The following PIK3C2G variants were observed in gnomAD, a reference collection of about 807,000 sequenced individuals.
PIK3C2G encodes the protein phosphatidylinositol 3-kinase C2 domain-containing subunit gamma.
A neutral mutation model predicts 181.1 loss-of-function variants in PIK3C2G; 168 were observed. The observed-to-expected ratio is 0.93, with a 90% CI of 0.82 to 1.05. PIK3C2G has a LOEUF of 1.05. Ranked by LOEUF, PIK3C2G falls within the 50% of genes least tolerant of loss-of-function variation. The probability of loss-of-function intolerance (pLI) is 0.00; values close to 1 mark genes in which losing one functional copy is unlikely to be tolerated. For synonymous variants in PIK3C2G, 573 were observed against 592.2 expected (o/e 0.97, Z 0.47); for missense variants, 1,869 against 1,732.8 (o/e 1.08, Z -1.40).
chr12:18,325,853 GC>G (rs1951323988), intron 8 of PIK3C2G, among the ~76,000 whole-genome samples: 1 of 152,028 alleles, frequency 6.6e-6, no homozygotes, highest in South Asian at 2.1e-4. Context: ...GCAGACAGGG[GC>G]CAAATTATGT....
rs11285609 is a variant in PIK3C2G, at chr12:18,641,743, C to CTTTTTTTT, written c.4308+1202_4308+1209dup. On this transcript the variant is annotated intron_variant, in intron 32 of 32. Transcript: ENST00000538779. ...AAAACCCTGGCTTCTCTCTCTCAAG[C>CTTTTTTTT]TTTTTTTTTTTTTTTTTTTTGAGAT... is the stretch of plus-strand genomic sequence containing the variant. Among the ~76,000 whole-genome samples the CTTTTTTTT allele has an allele frequency of 1.0e-3, 96 of 93,172 alleles. 4 individuals carry two copies. The highest frequency in any genetic ancestry group is 1.1e-3 in the African/African-American group (22 of 20,344). The allele number at this position is 93,172 out of a possible 152,430, so 61.1% of individuals were successfully genotyped here.
At chr12:18,422,580 C>T (rs1252123338) in intron 17 of PIK3C2G, among the ~76,000 whole-genome samples, 3 of 152,072 alleles carry the variant, frequency 2.0e-5, no homozygotes, top group Non-Finnish European at 2.9e-5. Flanking sequence ...CCAGGGGTTA[C>T]TGCAAACCAC....
chr12:18,550,286 G>C (rs1322701143), intron 26 of PIK3C2G, among the ~76,000 whole-genome samples: 1 of 151,972 alleles, frequency 6.6e-6, no homozygotes, highest in Non-Finnish European at 1.5e-5. Context: ...GTATTATGTT[G>C]TTTGGAAATC....
intron 17 of PIK3C2G, among the ~76,000 whole-genome samples, chr12:18,422,941 G>A (rs1013496416): frequency 5.9e-5 from 9 of 152,030 alleles, no homozygotes; most frequent in African/African-American, 2.2e-4. Flanking sequence ...GACAGCATCA[G>A]GAGTTTATGC....
chr12:18,357,397 T>A (rs1044481841), intron 11 of PIK3C2G, among the ~76,000 whole-genome samples: 17 of 152,198 alleles, frequency 1.1e-4, no homozygotes, highest in Non-Finnish European at 2.4e-4. Context: ...GTATGTACTT[T>A]CCAGAACTGC....
At chr12:18,466,069 G>C (rs370217713) in intron 18 of PIK3C2G, among the ~76,000 whole-genome samples, 2 of 148,202 alleles carry the variant, frequency 1.3e-5, no homozygotes, top group African/African-American at 2.6e-5. Flanking sequence ...ATTTATGTGC[G>C]TGTGTGTGTA....
intron 18 of PIK3C2G, among the ~76,000 whole-genome samples, chr12:18,443,591 T>A (rs1490031776): frequency 6.6e-6 from 1 of 152,088 alleles, no homozygotes; most frequent in Admixed American, 6.6e-5. Context: ...TCTATATGTA[T>A]CAGAAGAAAT....
chr12:18,562,111 C>A (rs781453002), intron 26 of PIK3C2G, among the ~76,000 whole-genome samples: 43 of 152,094 alleles, frequency 2.8e-4, no homozygotes, highest in Non-Finnish European at 5.6e-4. Flanking sequence ...AAAATTCCCC[C>A]AAATAAACAA....
At chr12:18,511,459 C>T (rs1942201843) in intron 24 of PIK3C2G, among the ~76,000 whole-genome samples, 1 of 151,944 alleles carries the variant, frequency 6.6e-6, no homozygotes, top group Admixed American at 6.6e-5. Flanking sequence ...GCATAATTTC[C>T]CTTTTTTTAA....
At chr12:18,273,084 C>T (rs535850517) in intron 1 of PIK3C2G, among the ~76,000 whole-genome samples, 1 of 151,816 alleles carries the variant, frequency 6.6e-6, no homozygotes, top group East Asian at 1.9e-4. Flanking sequence ...GCTGGGGATG[C>T]TAGAATTACT....
intron 18 of PIK3C2G, among the ~76,000 whole-genome samples, chr12:18,461,328 T>C (rs1235045638): frequency 6.6e-6 from 1 of 152,176 alleles, no homozygotes; most frequent in African/African-American, 2.4e-5. Context: ...TGTTGGACAT[T>C]CAAACAAAAG....
intron 29 of PIK3C2G, among the ~76,000 whole-genome samples, chr12:18,581,811 T>C (rs1946516334): frequency 6.6e-6 from 1 of 152,100 alleles, no homozygotes; most frequent in African/African-American, 2.4e-5. Context: ...TAAGATTACT[T>C]AGGGTGAGAG....
At chr12:18,260,445 C>T (rs952335644), upstream of PIK3C2G, among the ~76,000 whole-genome samples, 7 of 152,008 alleles carry the variant, frequency 4.6e-5, no homozygotes, top group Non-Finnish European at 7.4e-5. Flanking sequence ...TGACATCACC[C>T]TCCACTTCTA....
the PIK3C2G span, among the ~76,000 whole-genome samples, chr12:18,726,543 T>C: frequency 1.3e-5 from 2 of 152,152 alleles, no homozygotes; most frequent in Non-Finnish European, 2.9e-5. Context: ...AAATGAGTGA[T>C]TGAATAAACA....
downstream of PIK3C2G, among the ~76,000 whole-genome samples, chr12:18,650,256 AGTT>A (rs1162976442): frequency 3.4e-5 from 5 of 148,722 alleles, no homozygotes; most frequent in African/African-American, 1.2e-4. Flanking sequence ...CCCATCATTC[AGTT>A]GTTAAGAGCA....
intron 11 of PIK3C2G, among the ~76,000 whole-genome samples, chr12:18,354,903 C>T (rs1171201173): frequency 6.6e-6 from 1 of 152,214 alleles, no homozygotes; most frequent in Non-Finnish European, 1.5e-5. Context: ...TTCTTATTCT[C>T]AAGTCCTGGT....
intron 31 of PIK3C2G, among the ~76,000 whole-genome samples, chr12:18,634,776 C>T (rs771835085): frequency 6.6e-6 from 1 of 152,088 alleles, no homozygotes; most frequent in Non-Finnish European, 1.5e-5. Flanking sequence ...AATGAGTATC[C>T]ACAGAATGGC....
At chr12:18,600,210 C>T (rs574784166) in intron 30 of PIK3C2G, among the ~76,000 whole-genome samples, 1 of 151,826 alleles carries the variant, frequency 6.6e-6, no homozygotes, top group Non-Finnish European at 1.5e-5. Flanking sequence ...AGTTGAAATT[C>T]TTTAATCATT....
rs1263102262 is a variant in PIK3C2G at position 18,266,036 on chromosome 12, A to AC, written c.-79+4459_-79+4460insC. Reference sequence around the variant, plus strand: ...TCTAAAAAAAAAAAAAAAAAAAAAAAAAAAACACTACGCAATAGAAAATTT... The same window carrying AC: ...TCTAAAAAAAAAAAAAAAAAAAAAAACAAAAACACTACGCAATAGAAAATTT... On this transcript the variant is annotated intron_variant, in intron 1 of 32. Coordinates refer to ENST00000538779, the MANE Select transcript of PIK3C2G (RefSeq NM_001288772.2). Among the ~76,000 whole-genome samples the AC allele has an allele frequency of 8.7e-4, 131 of 150,588 alleles. 1 individual carries two copies. The highest frequency in any genetic ancestry group is 1.6e-3 in the Non-Finnish European group (110 of 67,500).
Sources: gnomAD v4.1 joint callset for allele counts (sites outside exome capture counted in the v4.1 genomes callset) on GRCh38, gnomAD v4.1.1 for gene constraint, MANE v1.5 for transcripts, NCBI Gene and HGNC (gene_info 2026-07-23, HGNC 2026-07-21) for gene names.